HOGA1: variants seen among roughly 807,000 people sequenced by gnomAD.
HOGA1 encodes the protein 4-hydroxy-2-oxoglutarate aldolase, mitochondrial.
HOGA1 carries 30 observed loss-of-function variants against 34.3 expected under a neutral mutation model. The observed-to-expected ratio is 0.87, with a 90% CI of 0.65 to 1.19. The LOEUF (loss-of-function observed/expected upper bound fraction) is 1.19. Ranked by LOEUF, HOGA1 falls within the 50% of genes most tolerant of loss-of-function variation. The pLI, the probability that HOGA1 is intolerant of heterozygous loss-of-function variation, is 0.00. For missense variants in HOGA1, 417 were observed against 436.5 expected (o/e 0.96, Z 0.40); for synonymous variants, 161 against 174.0 (o/e 0.93, Z 0.59).
chr10:97,611,130 G>A (rs971217138), intron 6 of HOGA1, among the ~76,000 whole-genome samples: 1 of 152,150 alleles, frequency 6.6e-6, no homozygotes, highest in Non-Finnish European at 1.5e-5. Context: ...CAGGTCTGGT[G>A]TGACCTGCGT....
intron 6 of HOGA1, chr10:97,602,515 A>G: frequency 3.0e-6 from 3 of 985,394 alleles, no homozygotes; most frequent in Non-Finnish European, 3.6e-6. Context: ...CTTCAGAGAG[A>G]ACGCCCATCA....
At chr10:97,586,136 C>CAA (rs574023517) in intron 1 of HOGA1, among the ~76,000 whole-genome samples, 215 of 136,430 alleles carry the variant, frequency 1.6e-3, no homozygotes, top group South Asian at 3.6e-3. Context: ...GACTCCATCT[C>CAA]AAAAAAAAAA....
In HOGA1 at chr10:97,603,707, T is replaced by A. The variant is rs2041137847; in HGVS notation, c.834+1717T>A. On this transcript the variant is annotated intron_variant, in intron 6 of 6. Transcript: ENST00000370646. This position sits in a 1 kb window ranked among gnomAD's most constrained non-coding sequence, Gnocchi z 4.5. The stretch of plus-strand genomic sequence containing the variant: ...CCTCCCAAGTAGCTGGGATTACAGA[T>A]GCCTGCCACCACACCCGGCTAATTT... 6.6e-6 allele frequency among the ~76,000 whole-genome samples: 1 copy of A among 151,994 alleles called. No homozygotes were observed. Among genetic ancestry groups the A allele is most frequent in the Non-Finnish European group, 1.5e-5 (1 of 67,996 alleles).
At position 97,584,934 on chromosome 10, in the gene HOGA1, G is replaced by T. The variant is rs552420631; in HGVS notation, c.211+20G>T. 4.4e-6 allele frequency: 7 copies of T among 1,607,644 alleles called. No individual in the cohort carries two copies. The highest frequency in any genetic ancestry group is 6.0e-6 in the Non-Finnish European group (7 of 1,174,660). On this transcript the variant is annotated intron_variant, in intron 1 of 6. Coordinates refer to ENST00000370646, the MANE Select transcript of HOGA1 (RefSeq NM_138413.4). The stretch of plus-strand genomic sequence containing the variant: ...TCCGAGGTAAGTGGGGCTGTCCTCT[G>T]TGGGACCTGGGGAGATGTGAGTGGC...
At chr10:97,594,080 G>GCTGGT (rs1197615771) in intron 1 of HOGA1, among the ~76,000 whole-genome samples, 1 of 151,886 alleles carries the variant, frequency 6.6e-6, no homozygotes, top group East Asian at 1.9e-4. Context: ...CGTTGGCCAG[G>GCTGGT]CTGGTCTCGA....
At chr10:97,585,657 C>T (rs1054099461) in intron 1 of HOGA1, among the ~76,000 whole-genome samples, 7 of 152,214 alleles carry the variant, frequency 4.6e-5, no homozygotes, top group South Asian at 2.1e-4. Flanking sequence ...CAAGGTCATT[C>T]GGCTAACACA....
Position 97,584,711 on chromosome 10 carries a change from G to T in HOGA1, c.8G>T (p.Gly3Val), listed in dbSNP as rs1330015014. Reference sequence around the variant, plus strand: ...TTCAGGCCTCCTGCAGAGATGCTGGGTCCCCAAGTCTGGTCTTCTGTGAGG... The same window carrying T: ...TTCAGGCCTCCTGCAGAGATGCTGGTTCCCCAAGTCTGGTCTTCTGTGAGG... The part of the protein sequence containing the change: ML[G>V]PQVWSSVRQG... Residue 3 changes from glycine (G) to valine (V), a missense_variant, in exon 1 of 7, where the codon GGT (glycine) becomes GTT (valine). Transcript: ENST00000370646. The T allele has an allele frequency of 2.5e-6, 4 of 1,610,312 alleles. No individual in the cohort carries two copies. In the Admixed American group the frequency reaches 6.7e-5, roughly 27 times the overall value.
At position 97,602,181 on chromosome 10, in the gene HOGA1, C is replaced by A; in HGVS notation, c.834+191C>A. ...CCTGACTTCGGACAAAGTCGAGCAC[C>A]ACTGATTGTCAAACTTAAGTGTGCA... is the stretch of plus-strand genomic sequence containing the variant. On this transcript the variant is annotated intron_variant, in intron 6 of 6. Transcript: ENST00000370646. The A allele has an allele frequency of 3.2e-6, 5 of 1,546,688 alleles. No individual in the cohort carries two copies. The South Asian group carries it at 4.8e-5, about 15-fold the overall frequency.
chr10:97,601,588 T>C (rs2041117227), intron 5 of HOGA1, among the ~76,000 whole-genome samples: 1 of 152,192 alleles, frequency 6.6e-6, no homozygotes, highest in African/African-American at 2.4e-5. Flanking sequence ...GGAACCGTCC[T>C]TGAGTTCACT....
chr10:97,595,236 A>G (rs1312838254), intron 1 of HOGA1, among the ~76,000 whole-genome samples: 2 of 152,208 alleles, frequency 1.3e-5, no homozygotes, highest in Non-Finnish European at 2.9e-5. Flanking sequence ...CAGTAGGTGT[A>G]CAATGAGAGG....
At chr10:97,589,583 G>A (rs2135714453) in intron 1 of HOGA1, 2 of 357,570 alleles carry the variant, frequency 5.6e-6, no homozygotes, top group South Asian at 9.1e-5. Flanking sequence ...ATGCCTGCCA[G>A]GCTAGACATG....
At chr10:97,605,195 G>A (rs2041147821) in intron 6 of HOGA1, among the ~76,000 whole-genome samples, 1 of 152,070 alleles carries the variant, frequency 6.6e-6, no homozygotes, top group Non-Finnish European at 1.5e-5. Context: ...GAATGCTTGA[G>A]CCCAGGAGTT....
At chr10:97,590,993 C>T (rs1167836185) in intron 1 of HOGA1, 4 of 187,908 alleles carry the variant, frequency 2.1e-5, no homozygotes. Context: ...AGGGAGGGGG[C>T]TCCCTCTCCA....
intron 6 of HOGA1, 63 bp from the exon 7 acceptor site, chr10:97,611,447 C>T (rs566149622): frequency 1.8e-5 from 28 of 1,581,398 alleles, no homozygotes; most frequent in Middle Eastern, 1.7e-4. Context: ...GACAGATCTC[C>T]GAGTTCCAGA....
rs1331480219 is a variant in HOGA1 at position 97,611,747 on chromosome 10, G to GCACA, written c.*88_*89insCACA. ...TGAAGCGGAGAGCACAGGGGGATGA[G>GCACA]GGTGGCAGGCAGCGGGGAGCCGATA... On this transcript the variant is annotated 3_prime_UTR_variant, in exon 7 of 7. Coordinates refer to ENST00000370646, the MANE Select transcript of HOGA1 (RefSeq NM_138413.4). 2 of 1,493,870 alleles carry GCACA rather than the reference G, an allele frequency of 1.3e-6. No homozygotes were observed. The highest frequency in any genetic ancestry group is 1.8e-6 in the Non-Finnish European group (2 of 1,105,970). The allele number at this position is 1,493,870 out of a possible 1,614,324, so 92.5% of individuals were successfully genotyped here.
At chr10:97,594,424 G>C (rs1158419995) in intron 1 of HOGA1, among the ~76,000 whole-genome samples, 1 of 151,746 alleles carries the variant, frequency 6.6e-6, no homozygotes, top group Non-Finnish European at 1.5e-5. Flanking sequence ...GCCCAATCTT[G>C]GCTCACTGCA....
chr10:97,607,909 A>G (rs2041168798), intron 6 of HOGA1, among the ~76,000 whole-genome samples: 1 of 152,222 alleles, frequency 6.6e-6, no homozygotes, highest in South Asian at 2.1e-4. Flanking sequence ...TAAATATTTC[A>G]TATACCAAAA....
chr10:97,612,019 C>CTT lies in HOGA1; in HGVS notation c.*374_*375dup, dbSNP rs869302447. On this transcript the variant is annotated 3_prime_UTR_variant, in exon 7 of 7. Transcript: ENST00000370646. ...AGGCACAGTAAGGGAATTTTCTTTT[C>CTT]TTTTTTTTTTTTTTTGAGACAGAGT... 231 of 155,508 alleles carry CTT rather than the reference C, an allele frequency of 1.5e-3. 2 individuals are homozygous for CTT. Among genetic ancestry groups the CTT allele is most frequent in the South Asian group, 4.9e-3 (35 of 7,090 alleles). The allele number at this position is 155,508 out of a possible 1,614,324, so 9.6% of individuals were successfully genotyped here.
At chr10:97,586,406 C>A (rs1303737978) in intron 1 of HOGA1, among the ~76,000 whole-genome samples, 3 of 152,224 alleles carry the variant, frequency 2.0e-5, no homozygotes, top group Non-Finnish European at 4.4e-5. Context: ...GCCTGATGGA[C>A]ACGTTGATCA....
Sources: allele counts gnomAD v4.1 joint callset (sites outside exome capture counted in the v4.1 genomes callset), GRCh38; gene constraint gnomAD v4.1.1; non-coding constraint Gnocchi (gnomAD v3.1); transcripts MANE v1.5; gene names NCBI Gene and HGNC (gene_info 2026-07-23, HGNC 2026-07-21).